The following EYA2 variants were observed in gnomAD, a reference collection of about 807,000 sequenced individuals.
The protein encoded by EYA2 is protein phosphatase EYA2.
EYA2 carries 31 observed loss-of-function variants against 69.2 expected under a neutral mutation model. The observed-to-expected ratio is 0.45, with a 90% confidence interval of 0.34 to 0.60. The LOEUF (loss-of-function observed/expected upper bound fraction) is 0.60, where lower values mean the gene tolerates loss of function less well. Among genes scored for constraint, EYA2 ranks in the 20% least tolerant of loss-of-function variants. EYA2 has a pLI of 0.02. For missense variants in EYA2, 622 were observed against 701.2 expected (o/e 0.89, Z 1.28); for synonymous variants, 257 against 279.4 (o/e 0.92, Z 0.80).
intron 4 of EYA2, 93 bp downstream of exon 4, chr20:47,005,177 G>T (rs552053913): frequency 7.0e-7 from 1 of 1,424,200 alleles, no homozygotes; most frequent in African/African-American, 1.4e-5. Flanking sequence ...TGGATTAATA[G>T]ACACAACCAA....
chr20:46,944,507 C>G (rs370252281), intron 1 of EYA2, among the ~76,000 whole-genome samples: 11 of 152,106 alleles, frequency 7.2e-5, no homozygotes, highest in African/African-American at 2.7e-4. Context: ...TCAGGGCATG[C>G]AAGCCACCAG....
At chr20:47,145,437 TG>T (rs1373633291) in intron 10 of EYA2, among the ~76,000 whole-genome samples, 2 of 151,970 alleles carry the variant, frequency 1.3e-5, no homozygotes, top group Non-Finnish European at 2.9e-5. Context: ...AGTATGGAGG[TG>T]GCCAGGATAG....
intron 5 of EYA2, among the ~76,000 whole-genome samples, chr20:47,026,522 AAG>A (rs1462555406): frequency 1.3e-5 from 2 of 152,234 alleles, no homozygotes; most frequent in Non-Finnish European, 2.9e-5. Context: ...AACAAAAAAA[AAG>A]AAAACAAAAT....
rs1168719663 is a variant in EYA2 at position 47,042,489 on chromosome 20, G to A, written c.415+26192G>A. Among the ~76,000 whole-genome samples the A allele has an allele frequency of 2.6e-5, 4 of 152,206 alleles. No individual in the cohort carries two copies. The East Asian group carries it at 7.7e-4, about 29-fold the overall frequency. ...AGGCTTAAGTCTGGGTTCTAACCCT[G>A]TCTTTGTTACAAATTCATATATGAC... On this transcript the variant is annotated intron_variant, in intron 5 of 15. Transcript: ENST00000327619.
intron 1 of EYA2, among the ~76,000 whole-genome samples, chr20:46,922,307 C>T (rs1985213266): frequency 6.6e-6 from 1 of 152,036 alleles, no homozygotes; most frequent in Non-Finnish European, 1.5e-5. Context: ...ATTTTAGGTG[C>T]CTAGAAAATC....
chr20:47,025,119 C>G (rs1984002012), intron 5 of EYA2, among the ~76,000 whole-genome samples: 1 of 152,212 alleles, frequency 6.6e-6, no homozygotes, highest in Admixed American at 6.5e-5. Context: ...TCACCTCCAT[C>G]AAGATACTTT....
intron 1 of EYA2, among the ~76,000 whole-genome samples, chr20:46,929,616 T>C (rs1003419592): frequency 5.9e-5 from 9 of 152,176 alleles, no homozygotes; most frequent in East Asian, 3.9e-4. Context: ...AGCTTTAAGA[T>C]AGGACACAGG....
chr20:47,081,327 G>T (rs1275087365), intron 7 of EYA2, among the ~76,000 whole-genome samples: 6 of 150,288 alleles, frequency 4.0e-5, no homozygotes, highest in East Asian at 3.9e-4. Flanking sequence ...AGTGTTTTTA[G>T]TAAAAAAAAA....
chr20:46,909,350 G>T (rs1275481243), intron 1 of EYA2, among the ~76,000 whole-genome samples: 1 of 152,038 alleles, frequency 6.6e-6, no homozygotes, highest in African/African-American at 2.4e-5. Context: ...AATTCAATGG[G>T]GGTGCAGGTG....
intron 1 of EYA2, among the ~76,000 whole-genome samples, chr20:46,897,770 C>T (rs1983884902): frequency 6.6e-6 from 1 of 152,148 alleles, no homozygotes; most frequent in South Asian, 2.1e-4. Context: ...TAGACACATG[C>T]CTTTCCTAAG....
chr20:47,185,521 C>T (rs1255086935), intron 15 of EYA2, among the ~76,000 whole-genome samples: 2 of 152,000 alleles, frequency 1.3e-5, no homozygotes, highest in Non-Finnish European at 2.9e-5. Flanking sequence ...AGGCTGGTCT[C>T]GAACTCCTGA....
chr20:46,931,365 T>TTTTG (rs554482484), intron 1 of EYA2, among the ~76,000 whole-genome samples: 62 of 152,190 alleles, frequency 4.1e-4, no homozygotes, highest in African/African-American at 1.0e-3. Context: ...TTTCATTATG[T>TTTTG]TTTGTTTGTT....
intron 10 of EYA2, among the ~76,000 whole-genome samples, chr20:47,158,290 G>T (rs961704974): frequency 1.3e-5 from 2 of 152,002 alleles, no homozygotes; most frequent in African/African-American, 4.8e-5. Flanking sequence ...CCAGGTGGGT[G>T]GGATTACCTG....
At chr20:47,140,739 G>A (rs2033576763) in intron 9 of EYA2, among the ~76,000 whole-genome samples, 1 of 152,120 alleles carries the variant, frequency 6.6e-6, no homozygotes, top group African/African-American at 2.4e-5. Flanking sequence ...AGTCCATTTA[G>A]TGTTGCTATA....
At chr20:46,896,841 T>A (rs1460533731) in intron 1 of EYA2, among the ~76,000 whole-genome samples, 1 of 152,228 alleles carries the variant, frequency 6.6e-6, no homozygotes, top group Non-Finnish European at 1.5e-5. Context: ...CATTCACTAT[T>A]TTATCTGAAA....
chr20:47,100,198 C>T (rs1432802125), intron 9 of EYA2, among the ~76,000 whole-genome samples: 2 of 152,232 alleles, frequency 1.3e-5, no homozygotes, highest in African/African-American at 4.8e-5. Flanking sequence ...GCAGATATTT[C>T]TCTTTGGCCC....
chr20:47,019,265 T>C (rs1983604739), intron 5 of EYA2, among the ~76,000 whole-genome samples: 1 of 152,192 alleles, frequency 6.6e-6, no homozygotes, highest in East Asian at 1.9e-4. Context: ...GGTTATTTTC[T>C]TATCCTCCTC....
At chr20:46,895,976 C>T (rs1600521720) in intron 1 of EYA2, among the ~76,000 whole-genome samples, 1 of 152,190 alleles carries the variant, frequency 6.6e-6, no homozygotes, top group African/African-American at 2.4e-5. Context: ...ACCGATGCTG[C>T]GTTTTTATGG....
intron 1 of EYA2, among the ~76,000 whole-genome samples, chr20:46,949,263 T>C (rs912209124): frequency 6.6e-6 from 1 of 152,204 alleles, no homozygotes; most frequent in East Asian, 1.9e-4. Context: ...CATAAGATGA[T>C]ACAAAACATA....
Sources: allele counts gnomAD v4.1 joint callset (sites outside exome capture counted in the v4.1 genomes callset), GRCh38; gene constraint gnomAD v4.1.1; transcripts MANE v1.5; gene names NCBI Gene and HGNC (gene_info 2026-07-23, HGNC 2026-07-21).